The following LEF1 variants were observed in gnomAD, a reference collection of about 807,000 sequenced individuals.
LEF1 encodes lymphoid enhancer-binding factor 1.
A neutral mutation model predicts 51.2 loss-of-function variants in LEF1; 14 were observed. That is an observed-to-expected ratio of 0.27 (90% CI 0.18 to 0.43). LEF1 has a LOEUF of 0.43. Among genes scored for constraint, LEF1 ranks in the 20% least tolerant of loss-of-function variants. The probability of loss-of-function intolerance (pLI) is 1.00; values close to 1 mark genes in which losing one functional copy is unlikely to be tolerated. For synonymous variants in LEF1, 185 were observed against 183.2 expected (o/e 1.01, Z -0.08); for missense variants, 386 against 512.0 (o/e 0.75, Z 2.37).
intron 3 of LEF1, among the ~76,000 whole-genome samples, chr4:108,120,053 G>T (rs1350657273): frequency 2.0e-5 from 3 of 150,530 alleles, no homozygotes; most frequent in East Asian, 2.0e-4. Context: ...ATATTTAAAA[G>T]AAGGGTCTCA....
intron 3 of LEF1, among the ~76,000 whole-genome samples, chr4:108,124,767 C>G (rs1176845061): frequency 1.3e-5 from 2 of 152,204 alleles, no homozygotes; most frequent in African/African-American, 4.8e-5. Context: ...GTTATGAAAA[C>G]ACTTTAAGAT....
At chr4:108,123,488 G>A (rs796592147) in intron 3 of LEF1, among the ~76,000 whole-genome samples, 12 of 116,448 alleles carry the variant, frequency 1.0e-4, no homozygotes, top group Admixed American at 8.1e-4. Flanking sequence ...TTTATCCTGC[G>A]TACCCTACAA....
At chr4:108,092,902 G>A (rs1396166621) in intron 3 of LEF1, among the ~76,000 whole-genome samples, 3 of 51,464 alleles carry the variant, frequency 5.8e-5, no homozygotes, top group East Asian at 7.9e-4. Flanking sequence ...GTGGGTATTG[G>A]AAACAATGAA....
intron 11 of LEF1, among the ~76,000 whole-genome samples, chr4:108,050,865 A>G (rs899358152): frequency 1.3e-5 from 2 of 152,066 alleles, no homozygotes; most frequent in African/African-American, 4.8e-5. Context: ...GACAACTTCC[A>G]TGGCCCTGCT....
chr4:108,052,019 C>T (rs561947876), intron 11 of LEF1, among the ~76,000 whole-genome samples: 2 of 152,310 alleles, frequency 1.3e-5, no homozygotes, highest in East Asian at 1.9e-4. Flanking sequence ...AAAAGCAGAG[C>T]GCTTGGCCAG....
chr4:108,070,332 A>G (rs1380712785), intron 9 of LEF1: 2 of 172,892 alleles, frequency 1.2e-5, no homozygotes, highest in African/African-American at 4.7e-5. Context: ...AATATTAGAA[A>G]GTAATATAAG....
intron 3 of LEF1, among the ~76,000 whole-genome samples, chr4:108,155,049 A>G (rs544390824): frequency 5.3e-5 from 8 of 152,188 alleles, no homozygotes; most frequent in Non-Finnish European, 1.2e-4. Flanking sequence ...GCAAAAAAAA[A>G]TAACTTGCCC....
intron 3 of LEF1, among the ~76,000 whole-genome samples, chr4:108,145,891 G>A (rs537346182): frequency 4.2e-4 from 64 of 152,266 alleles, no homozygotes; most frequent in African/African-American, 1.1e-3. Context: ...GTTACTTTCC[G>A]AGGTGATGAA....
rs1436243278 is a variant in LEF1, at chr4:108,168,558, C to G, written c.-791G>C. The G allele has an allele frequency of 1.3e-5, 2 of 152,070 alleles. No homozygotes were observed. The highest frequency in any genetic ancestry group is 2.4e-5 in the African/African-American group (1 of 41,394). 9.4% of individuals were successfully genotyped at this position (152,070 alleles called of 1,614,324 possible). ...AGTTTGCCAAGAATAAAGTTTTTGC[C>G]GGCAAGCGCGGGGACTCCGCAGTGG... On this transcript the variant is annotated 5_prime_UTR_variant, in exon 1 of 12. Transcript: ENST00000265165. This position sits in a 1 kb window ranked among gnomAD's most constrained non-coding sequence, Gnocchi z 4.6.
At chr4:108,073,171 A>G (rs545520879) in intron 8 of LEF1, among the ~76,000 whole-genome samples, 1 of 152,336 alleles carries the variant, frequency 6.6e-6, no homozygotes, top group Admixed American at 6.5e-5. Context: ...AGATCACTGG[A>G]GGCCAGTGGT....
intron 3 of LEF1, among the ~76,000 whole-genome samples, chr4:108,110,704 A>G (rs935571487): frequency 3.9e-5 from 6 of 152,148 alleles, no homozygotes; most frequent in Non-Finnish European, 5.9e-5. Flanking sequence ...GCTCCCTTCC[A>G]TCATCCTCGT....
intron 11 of LEF1, among the ~76,000 whole-genome samples, chr4:108,049,865 AC>A (rs1295033163): frequency 1.3e-5 from 2 of 152,256 alleles, no homozygotes; most frequent in Non-Finnish European, 2.9e-5. Flanking sequence ...TCCACAGAGT[AC>A]TTTCCATGGA....
At chr4:108,101,228 GAC>G (rs1301406902) in intron 3 of LEF1, among the ~76,000 whole-genome samples, 6 of 152,116 alleles carry the variant, frequency 3.9e-5, no homozygotes, top group Admixed American at 3.3e-4. Flanking sequence ...TTATCCATAA[GAC>G]ACAAAAAAAG....
rs1388750296 is a variant in LEF1, at chr4:108,167,544, G to T, written c.213+11C>A. 6.2e-7 allele frequency: 1 copy of T among 1,613,538 alleles called. No individual in the cohort carries two copies. The highest frequency in any genetic ancestry group is 8.5e-7 in the Non-Finnish European group (1 of 1,179,678). Reference sequence around the variant, plus strand: ...CCACGCCTCTCGGAACTGGGGCAGCGGCCCGCTCACCTCGTGTCCGTTGCT... The same window carrying T: ...CCACGCCTCTCGGAACTGGGGCAGCTGCCCGCTCACCTCGTGTCCGTTGCT... On this transcript the variant is annotated intron_variant, in intron 1 of 11. Coordinates refer to ENST00000265165, the MANE Select transcript of LEF1 (RefSeq NM_016269.5). The surrounding 1 kb of genome is among the most constrained non-coding windows in gnomAD (Gnocchi z 5.7).
At chr4:108,075,996 C>T (rs561807200) in intron 8 of LEF1, among the ~76,000 whole-genome samples, 2 of 143,080 alleles carry the variant, frequency 1.4e-5, no homozygotes, top group African/African-American at 2.5e-5. Flanking sequence ...TTTGCCAGGA[C>T]GGTCCCCCAA....
intron 3 of LEF1, among the ~76,000 whole-genome samples, chr4:108,097,615 C>A (rs1389111877): frequency 1.3e-5 from 2 of 152,136 alleles, no homozygotes; most frequent in East Asian, 1.9e-4. Context: ...ATGATAGATG[C>A]TTGAGGAGAT....
At chr4:108,087,143 T>C (rs1739705472) in intron 4 of LEF1, among the ~76,000 whole-genome samples, 1 of 152,172 alleles carries the variant, frequency 6.6e-6, no homozygotes, top group South Asian at 2.1e-4. Context: ...AAGCTTATTT[T>C]CTTCGCAACA....
chr4:108,080,686 G>C (rs113166182), intron 6 of LEF1, among the ~76,000 whole-genome samples: 71 of 152,052 alleles, frequency 4.7e-4, no homozygotes, highest in Middle Eastern at 3.2e-3. Context: ...TTAAGGGGAA[G>C]GATATTAATT....
intron 4 of LEF1, among the ~76,000 whole-genome samples, chr4:108,083,808 G>A (rs1438018770): frequency 6.6e-6 from 1 of 152,200 alleles, no homozygotes; most frequent in Non-Finnish European, 1.5e-5. Flanking sequence ...AATGGAAAAT[G>A]ACAGCCCTTC....
Sources: allele counts gnomAD v4.1 joint callset (sites outside exome capture counted in the v4.1 genomes callset), GRCh38; gene constraint gnomAD v4.1.1; non-coding constraint Gnocchi (gnomAD v3.1); transcripts MANE v1.5; gene names NCBI Gene and HGNC (gene_info 2026-07-23, HGNC 2026-07-21).